The following FKBP7 variants were observed in gnomAD, a reference collection of about 807,000 sequenced individuals.
FKBP7 encodes the protein FKBP prolyl isomerase 7.
FKBP7 carries 24 observed loss-of-function variants against 24.3 expected under a neutral mutation model. The ratio of observed to expected loss-of-function variants is 0.99; its 90% CI spans 0.72 to 1.39. The LOEUF (loss-of-function observed/expected upper bound fraction) is 1.39, where lower values mean the gene tolerates loss of function less well. FKBP7 is among the 40% of genes most tolerant of loss of function. The probability of loss-of-function intolerance (pLI) is 0.00; values close to 1 mark genes in which losing one functional copy is unlikely to be tolerated. For missense variants in FKBP7, 257 were observed against 269.5 expected, an observed-to-expected ratio of 0.95 and a Z score of 0.33; for synonymous variants, 98 against 92.8, an observed-to-expected ratio of 1.06 and a Z score of -0.32.
Position 178,473,116 on chromosome 2 carries a change from C to T in FKBP7, c.374-3331G>A, listed in dbSNP as rs752412631. 2.5e-5 allele frequency: 33 copies of T among 1,303,690 alleles called. No homozygotes were observed. In the African/African-American group the frequency reaches 4.6e-4, roughly 18 times the overall value. The allele number at this position is 1,303,690 out of a possible 1,614,324, so 80.8% of individuals were successfully genotyped here. A position where few individuals can be genotyped will look rare whatever the true frequency, so the allele number is the denominator to read the frequency against. On this transcript the variant is annotated intron_variant, in intron 2 of 3. Transcript: ENST00000424785. ...TGTGACATGAGACAAGGATATTTTG[C>T]AGAAGAAAGACTTCTTCAAGTACTA...
chr2:178,466,074 T>G (rs1684648391), intron 3 of FKBP7, 143 bp from the exon 4 acceptor site: 1 of 690,640 alleles, frequency 1.4e-6, no homozygotes, highest in Non-Finnish European at 2.2e-6. Flanking sequence ...CTATTTGAGG[T>G]TTTATTTTTC....
chr2:178,472,868 A>AAG (rs1213272837), intron 2 of FKBP7, among the ~76,000 whole-genome samples: 1 of 148,406 alleles, frequency 6.7e-6, no homozygotes, highest in East Asian at 2.0e-4. Context: ...AAAAAAAAAA[A>AAG]AAAGGATATA....
intron 3 of FKBP7, among the ~76,000 whole-genome samples, chr2:178,466,832 T>C (rs537426361): frequency 6.6e-6 from 1 of 152,196 alleles, no homozygotes. Context: ...AAGAAAGCAA[T>C]GCACAATCAT....
chr2:178,465,866 A>G lies in FKBP7; in HGVS notation c.573T>C (p.Asp191=). ...DEKPRDKSYQ[D]AVLEDIFKKN... ...TCTTAAAAATATCTTCTAAAACTGC[A>G]TCCTGATATGACTTGTCACGTGGCT... Residue 191 remains aspartate, a synonymous_variant, in exon 4 of 4, where the codon GAT becomes GAC. Transcript: ENST00000424785. 1 of 1,612,260 alleles carries G rather than the reference A, an allele frequency of 6.2e-7. No homozygotes were observed. The highest frequency in any genetic ancestry group is 8.5e-7 in the Non-Finnish European group (1 of 1,179,248).
rs143227020 is a variant in FKBP7, at chr2:178,477,978, A to G, written c.221+301T>C. ...GCAAGGGAAAAATGTGAACATCCTT[A>G]TAGGCAGAACCTTGATTTAATTCTG... On this transcript the variant is annotated intron_variant, in intron 1 of 3. Transcript: ENST00000424785. Among the ~76,000 whole-genome samples, 167 of 152,340 alleles carry G rather than the reference A, an allele frequency of 1.1e-3. 1 individual carries two copies. Among genetic ancestry groups the G allele is most frequent in the African/African-American group, 3.8e-3 (160 of 41,584 alleles).
chr2:178,467,953 C>G (rs1559376168), intron 3 of FKBP7: 1 of 152,138 alleles, frequency 6.6e-6, no homozygotes, highest in Admixed American at 6.6e-5. Context: ...CCATTTGCCA[C>G]CCCGGTAACT....
At position 178,463,893 on chromosome 2, in the gene FKBP7, T is replaced by C. The variant is rs1173202557; in HGVS notation, c.*1877A>G. On this transcript the variant is annotated 3_prime_UTR_variant, in exon 4 of 4. Transcript: ENST00000424785. Reference sequence around the variant, plus strand: ...AGGTTCCAAACCAAAATAAAGAATATTGAGTTACTTAGTTTACTTCAACGG... The same window carrying C: ...AGGTTCCAAACCAAAATAAAGAATACTGAGTTACTTAGTTTACTTCAACGG... 6.6e-6 allele frequency: 1 copy of C among 152,146 alleles called. No homozygotes were observed. The highest frequency in any genetic ancestry group is 1.5e-5 in the Non-Finnish European group (1 of 68,026). 9.4% of individuals were successfully genotyped at this position (152,146 alleles called of 1,614,324 possible).
At chr2:178,469,874 T>C in intron 2 of FKBP7, 89 bp from the exon 3 acceptor site, 1 of 1,051,548 alleles carries the variant, frequency 9.5e-7, no homozygotes, top group Non-Finnish European at 1.3e-6. Flanking sequence ...TTATATTATT[T>C]CATGTTGATA....
chr2:178,472,405 G>C (rs777963606), intron 2 of FKBP7, among the ~76,000 whole-genome samples: 1 of 151,980 alleles, frequency 6.6e-6, no homozygotes, highest in Non-Finnish European at 1.5e-5. Flanking sequence ...AAAAAATATT[G>C]TAGGTACATA....
In FKBP7 at chr2:178,478,507, A is replaced by C; in HGVS notation, c.-8T>G. 12 of 1,613,806 alleles carry C rather than the reference A, an allele frequency of 7.4e-6. No homozygotes were observed. Among genetic ancestry groups the C allele is most frequent in the Non-Finnish European group, 1.0e-5 (12 of 1,179,994 alleles). ...ATGCATGGTTTTTGGCATCGGCTCC[A>C]GCAGAACACTGCTCTCCCTCCCGCG... On this transcript the variant is annotated 5_prime_UTR_variant, in exon 1 of 4. Coordinates refer to ENST00000424785, the MANE Select transcript of FKBP7 (RefSeq NM_181342.3).
In FKBP7 at chr2:178,478,327, GCA is replaced by G. The variant is rs750626524; in HGVS notation, c.171_172del (p.Ala58ProfsTer3). ...TTTAGCCAGGTAGCCGTCATAATGG[GCA>G]TTTAGTAGGTCTCCCTTCTTGCTTG... is the stretch of plus-strand genomic sequence containing the variant. On this transcript the variant is annotated frameshift_variant, in exon 1 of 4. Coordinates refer to ENST00000424785, the MANE Select transcript of FKBP7 (RefSeq NM_181342.3). LOFTEE classifies it high-confidence loss of function. 1 of 1,614,084 alleles carries G rather than the reference GCA, an allele frequency of 6.2e-7. No homozygotes were observed.
In FKBP7 at chr2:178,478,251, CGCACGGGCAGCTCGCA is replaced by C; in HGVS notation, c.221+12_221+27del. 1 of 1,612,232 alleles carries C rather than the reference CGCACGGGCAGCTCGCA, an allele frequency of 6.2e-7. No homozygotes were observed. Among genetic ancestry groups the C allele is most frequent in the Non-Finnish European group, 8.5e-7 (1 of 1,179,180 alleles). On this transcript the variant is annotated intron_variant, in intron 1 of 3. Transcript: ENST00000424785. ...GCAGGCAAGATTTTGTGCAACTGGACGCACGGGCAGCTCGCAGCATTTCCTACCTGCAGTAGAATTT... is the reference window on the plus strand; with the variant it reads ...GCAGGCAAGATTTTGTGCAACTGGACGCATTTCCTACCTGCAGTAGAATTT...
chr2:178,473,955 A>G (rs1168991412), intron 2 of FKBP7, among the ~76,000 whole-genome samples: 2 of 152,108 alleles, frequency 1.3e-5, no homozygotes, highest in African/African-American at 4.8e-5. Context: ...ATAAAGCTGA[A>G]GTTATCTGGA....
In FKBP7 at chr2:178,478,558, C is replaced by T. The variant is rs775904974; in HGVS notation, c.-59G>A. On this transcript the variant is annotated 5_prime_UTR_variant, in exon 1 of 4. Coordinates refer to ENST00000424785, the MANE Select transcript of FKBP7 (RefSeq NM_181342.3). The stretch of plus-strand genomic sequence containing the variant: ...TGTCACTCGCGCCCCGTGGATGTCC[C>T]GCGGCCGAGTTCCGACGCGTGGCAG... 21 of 1,601,228 alleles carry T rather than the reference C, an allele frequency of 1.3e-5. No individual in the cohort carries two copies. The highest frequency in any genetic ancestry group is 1.7e-5 in the Non-Finnish European group (20 of 1,174,994).
chr2:178,478,510 A>T lies in FKBP7; in HGVS notation c.-11T>A. The T allele has an allele frequency of 1.2e-6, 2 of 1,613,618 alleles. No homozygotes were observed. The highest frequency in any genetic ancestry group is 8.5e-7 in the Non-Finnish European group (1 of 1,179,940). ...CATGGTTTTTGGCATCGGCTCCAGC[A>T]GAACACTGCTCTCCCTCCCGCGTGT... On this transcript the variant is annotated 5_prime_UTR_variant, in exon 1 of 4. Transcript: ENST00000424785.
intron 3 of FKBP7, among the ~76,000 whole-genome samples, chr2:178,469,321 T>G (rs1468678374): frequency 2.0e-5 from 3 of 152,232 alleles, no homozygotes; most frequent in African/African-American, 4.8e-5. Flanking sequence ...GTGAATTATT[T>G]GCCCTGTTGC....
In FKBP7 at chr2:178,465,277, C is replaced by G. The variant is rs1313203385; in HGVS notation, c.*493G>C. 6.6e-6 allele frequency: 1 copy of G among 152,194 alleles called. No homozygotes were observed. Among genetic ancestry groups the G allele is most frequent in the Non-Finnish European group, 1.5e-5 (1 of 68,042 alleles). 9.4% of individuals were successfully genotyped at this position (152,194 alleles called of 1,614,324 possible). A position where few individuals can be genotyped will look rare whatever the true frequency, so the allele number is the denominator to read the frequency against. On this transcript the variant is annotated 3_prime_UTR_variant, in exon 4 of 4. Transcript: ENST00000424785. ...TTCCTGCACATATACCAAAGGAAGACTCTTCAGTTCTAGGATTTTTATATC... is the reference window on the plus strand; with the variant it reads ...TTCCTGCACATATACCAAAGGAAGAGTCTTCAGTTCTAGGATTTTTATATC...
chr2:178,478,193 C>G, intron 1 of FKBP7, 86 bp downstream of exon 1: 1 of 1,496,030 alleles, frequency 6.7e-7, no homozygotes, highest in Non-Finnish European at 9.1e-7. Flanking sequence ...AAAACCCCAA[C>G]CAACCAACCA....
Position 178,478,536 on chromosome 2 carries a change from C to A in FKBP7, c.-37G>T. The A allele has an allele frequency of 6.2e-7, 1 of 1,608,712 alleles. No homozygotes were observed. On this transcript the variant is annotated 5_prime_UTR_variant, in exon 1 of 4. Transcript: ENST00000424785. ...GAACACTGCTCTCCCTCCCGCGTGTCACTCGCGCCCCGTGGATGTCCCGCG... is the reference window on the plus strand; with the variant it reads ...GAACACTGCTCTCCCTCCCGCGTGTAACTCGCGCCCCGTGGATGTCCCGCG...
Sources: gnomAD v4.1 joint callset for allele counts (sites outside exome capture counted in the v4.1 genomes callset) on GRCh38, gnomAD v4.1.1 for gene constraint, MANE v1.5 for transcripts, NCBI Gene and HGNC (gene_info 2026-07-23, HGNC 2026-07-21) for gene names.